The following ADAM32 variants were observed in gnomAD, a reference collection of about 807,000 sequenced individuals.
ADAM32 encodes the protein ADAM metallopeptidase domain 32, also known as disintegrin and metalloproteinase domain-containing protein 32.
Under a neutral mutation model 114.9 loss-of-function variants are expected in ADAM32, and 89 were observed. That is an observed-to-expected ratio of 0.77 (90% confidence interval 0.65 to 0.92). The LOEUF is 0.92. Ranked by LOEUF, ADAM32 falls within the 40% of genes least tolerant of loss-of-function variation. The pLI, the probability that ADAM32 is intolerant of heterozygous loss-of-function variation, is 0.00. For synonymous variants in ADAM32, 285 were observed against 307.5 expected, an observed-to-expected ratio of 0.93 and a Z score of 0.77; for missense variants, 870 against 932.8, an observed-to-expected ratio of 0.93 and a Z score of 0.88.
intron 1 of ADAM32, among the ~76,000 whole-genome samples, chr8:39,112,128 AT>A (rs934603469): frequency 5.9e-5 from 9 of 152,162 alleles, no homozygotes; most frequent in Non-Finnish European, 8.8e-5. Flanking sequence ...ATTTTACTAT[AT>A]TTTTAAAGAA....
chr8:39,138,033 G>C (rs368690225), intron 3 of ADAM32, among the ~76,000 whole-genome samples: 5 of 152,132 alleles, frequency 3.3e-5, no homozygotes, highest in African/African-American at 1.2e-4. Context: ...ATATCGTTTT[G>C]AGAAATTAAC....
intron 4 of ADAM32, among the ~76,000 whole-genome samples, chr8:39,147,706 C>T (rs1486123412): frequency 6.6e-6 from 1 of 152,058 alleles, no homozygotes; most frequent in Non-Finnish European, 1.5e-5. Flanking sequence ...GGATCATTGC[C>T]ATAACTTCCT....
At chr8:39,252,168 CT>C (rs1811349398) in intron 17 of ADAM32, among the ~76,000 whole-genome samples, 1 of 151,626 alleles carries the variant, frequency 6.6e-6, no homozygotes, top group Non-Finnish European at 1.5e-5. Context: ...TGGCTTTGTT[CT>C]TTTTGCTCAG....
At position 39,175,430 on chromosome 8, in the gene ADAM32, A is replaced by G. The variant is rs563694629; in HGVS notation, c.915+5433A>G. ...AAAGGATTTTTCTGCATCTATTGAG[A>G]TAATCATGTGGTTTTTGTCTTTAGT... On this transcript the variant is annotated intron_variant, in intron 10 of 24. Transcript: ENST00000379907. Among the ~76,000 whole-genome samples the G allele has an allele frequency of 2.6e-5, 4 of 152,252 alleles. No homozygotes were observed. In the East Asian group the frequency reaches 7.7e-4, roughly 29 times the overall value.
chr8:39,191,849 A>G (rs6981906), intron 11 of ADAM32, among the ~76,000 whole-genome samples: 37,449 of 152,000 alleles, frequency 0.25, 4,987 homozygotes, highest in Non-Finnish European at 0.29. Context: ...AATGATTATT[A>G]CCTAGGCTGT....
At chr8:39,253,941 A>G (rs190267379) in intron 17 of ADAM32, among the ~76,000 whole-genome samples, 16 of 151,768 alleles carry the variant, frequency 1.1e-4, no homozygotes, top group Middle Eastern at 3.4e-3. Flanking sequence ...CCAGATAATT[A>G]GAAGCAATTT....
chr8:39,176,881 G>A (rs1377037935), intron 10 of ADAM32, among the ~76,000 whole-genome samples: 4 of 152,122 alleles, frequency 2.6e-5, no homozygotes, highest in Non-Finnish European at 1.5e-5. Flanking sequence ...TGTATCGGGT[G>A]CTTATGTATT....
chr8:39,147,782 T>A (rs1210428908), intron 4 of ADAM32, among the ~76,000 whole-genome samples: 1 of 152,052 alleles, frequency 6.6e-6, no homozygotes, highest in African/African-American at 2.4e-5. Flanking sequence ...TTTATTTTAT[T>A]CATTTATTTT....
At chr8:39,159,496 G>A (rs77603796) in intron 6 of ADAM32, among the ~76,000 whole-genome samples, 4,182 of 152,272 alleles carry the variant, frequency 0.027, 80 homozygotes, top group Non-Finnish European at 0.044. Context: ...GGACATGTGG[G>A]TGGCCCTCTA....
chr8:39,282,027 T>C (rs58675015), intron 23 of ADAM32, among the ~76,000 whole-genome samples: 16,384 of 152,252 alleles, frequency 0.11, 2,777 homozygotes, highest in African/African-American at 0.36. Flanking sequence ...GGATGTCTCC[T>C]AACATAAGCA....
chr8:39,124,139 C>A (rs2129444553), intron 2 of ADAM32, among the ~76,000 whole-genome samples: 1 of 152,064 alleles, frequency 6.6e-6, no homozygotes, highest in African/African-American at 2.4e-5. Context: ...TAGGTATAAG[C>A]TCAGCATCCG....
At chr8:39,119,824 T>C (rs896761945) in intron 2 of ADAM32, among the ~76,000 whole-genome samples, 1 of 152,190 alleles carries the variant, frequency 6.6e-6, no homozygotes, top group Non-Finnish European at 1.5e-5. Flanking sequence ...TAACCCCTAA[T>C]GTGACTATAT....
At chr8:39,234,505 C>T (rs1392792852) in intron 16 of ADAM32, among the ~76,000 whole-genome samples, 1 of 152,138 alleles carries the variant, frequency 6.6e-6, no homozygotes, top group African/African-American at 2.4e-5. Context: ...TATTGTTTAA[C>T]ATTTTGCAAG....
chr8:39,207,971 T>G (rs1464834538), intron 11 of ADAM32, among the ~76,000 whole-genome samples: 1 of 152,238 alleles, frequency 6.6e-6, no homozygotes, highest in Non-Finnish European at 1.5e-5. Context: ...TCAGTTTATC[T>G]GTAGATGGGC....
At chr8:39,112,586 T>C (rs1003014097) in intron 1 of ADAM32, among the ~76,000 whole-genome samples, 3 of 152,218 alleles carry the variant, frequency 2.0e-5, no homozygotes, top group African/African-American at 7.2e-5. Context: ...ATCCACACTG[T>C]GGTGCTAGAT....
In ADAM32 at chr8:39,151,427, C is replaced by T; in HGVS notation, c.404C>T (p.Ser135Phe). 6.2e-7 allele frequency: 1 copy of T among 1,602,930 alleles called. No homozygotes were observed. Among genetic ancestry groups the T allele is most frequent in the Non-Finnish European group, 8.5e-7 (1 of 1,176,526 alleles). ...TCTTATGGAATTGAGCCTCTGGAAT[C>T]TGCAGTTGAATTTCAGCATGTTCTT... ...NVSYGIEPLE[S>F]AVEFQHVLYK... Residue 135 changes from serine (S) to phenylalanine (F), a missense_variant, in exon 6 of 25, where the codon TCT (serine) becomes TTT (phenylalanine). Ser to Phe is a radical substitution (Grantham distance 155). Coordinates refer to ENST00000379907, the MANE Select transcript of ADAM32 (RefSeq NM_145004.7).
At chr8:39,138,420 G>A (rs1007350325) in intron 3 of ADAM32, among the ~76,000 whole-genome samples, 3 of 151,920 alleles carry the variant, frequency 2.0e-5, no homozygotes, top group South Asian at 2.1e-4. Context: ...GTGAACATGC[G>A]GTGTTTGGTT....
intron 3 of ADAM32, among the ~76,000 whole-genome samples, chr8:39,145,821 T>G (rs986092671): frequency 8.5e-5 from 13 of 152,162 alleles, no homozygotes; most frequent in African/African-American, 2.7e-4. Context: ...AGCCTTGAAC[T>G]CCTGGCTCAA....
In ADAM32 at chr8:39,223,040, ATTTT is replaced by A; in HGVS notation, c.1328_1331del (p.Ile443AsnfsTer32). The A allele has an allele frequency of 6.4e-7, 1 of 1,565,970 alleles. No homozygotes were observed. Among genetic ancestry groups the A allele is most frequent in the Non-Finnish European group, 8.6e-7 (1 of 1,158,300 alleles). ...TTTTTTATGTTCTAACTTCTCTTAGATTTTACAATCAGGCGTTGAATGTAGGCCG... is the reference window on the plus strand; with the variant it reads ...TTTTTTATGTTCTAACTTCTCTTAGAACAATCAGGCGTTGAATGTAGGCCG... On this transcript the variant is annotated frameshift_variant and splice_region_variant, in exon 14 of 25. Coordinates refer to ENST00000379907, the MANE Select transcript of ADAM32 (RefSeq NM_145004.7). LOFTEE classifies it high-confidence loss of function.
Sources: allele counts gnomAD v4.1 joint callset (sites outside exome capture counted in the v4.1 genomes callset), GRCh38; gene constraint gnomAD v4.1.1; transcripts MANE v1.5; gene names NCBI Gene and HGNC (gene_info 2026-07-23, HGNC 2026-07-21).